LAMA1: variants seen among roughly 807,000 people sequenced by gnomAD.
LAMA1 encodes the protein laminin subunit alpha 1.
A neutral mutation model predicts 348.7 loss-of-function variants in LAMA1; 219 were observed. The ratio of observed to expected loss-of-function variants is 0.63; its 90% confidence interval spans 0.56 to 0.70. The LOEUF (loss-of-function observed/expected upper bound fraction) is 0.70, where lower values mean the gene tolerates loss of function less well. Ranked by LOEUF, LAMA1 falls within the 30% of genes least tolerant of loss-of-function variation. The pLI, the probability that LAMA1 is intolerant of heterozygous loss-of-function variation, is 0.00. For missense variants in LAMA1, 3,744 were observed against 3,888.0 expected, an observed-to-expected ratio of 0.96 and a Z score of 0.99; for synonymous variants, 1,487 against 1,491.0, an observed-to-expected ratio of 1.00 and a Z score of 0.06.
chr18:6,959,297 C>G, intron 54 of LAMA1, 44 bp downstream of exon 54: 1 of 1,613,754 alleles, frequency 6.2e-7, no homozygotes, highest in Non-Finnish European at 8.5e-7. Flanking sequence ...TCCCTCTGAG[C>G]TCACCACACC....
intron 3 of LAMA1, among the ~76,000 whole-genome samples, chr18:7,072,986 A>AC (rs558878139): frequency 9.2e-4 from 140 of 152,012 alleles, no homozygotes; most frequent in African/African-American, 3.2e-3. Context: ...GCTTTCCAGG[A>AC]CCCCCAGAAG....
In LAMA1 at chr18:6,999,993, T is replaced by A; in HGVS notation, c.4387A>T (p.Ser1463Cys). The change falls in exon 31 of 63, where the codon AGT becomes TGT. Residue 1463 changes from serine to cysteine, a missense_variant. Coordinates refer to ENST00000389658, the MANE Select transcript of LAMA1 (RefSeq NM_005559.4). ...TCCCCTTCCAAGACACAAGTGGGAC[T>A]AAAACTGGAGGAAAAGAATTTCTTT... The part of the protein sequence containing the change: ...ACPHSPPASF[S>C]PTCVLEGDHD... 1 of 1,611,612 alleles carries A rather than the reference T, an allele frequency of 6.2e-7. No homozygotes were observed. Among genetic ancestry groups the A allele is most frequent in the Non-Finnish European group, 8.5e-7 (1 of 1,177,722 alleles).
chr18:6,970,577 T>G lies in LAMA1; in HGVS notation c.6899+1280A>C, dbSNP rs556701854. Among the ~76,000 whole-genome samples the G allele has an allele frequency of 9.2e-5, 14 of 151,998 alleles. No individual in the cohort carries two copies. In the South Asian group the frequency reaches 2.9e-3, roughly 32 times the overall value. ...CTGAGAAACTCAAGACTCCAAACCCTATATTCTTTTTCAATCTTAAGGCTA... is the reference window on the plus strand; with the variant it reads ...CTGAGAAACTCAAGACTCCAAACCCGATATTCTTTTTCAATCTTAAGGCTA... On this transcript the variant is annotated intron_variant, in intron 48 of 62. Coordinates refer to ENST00000389658, the MANE Select transcript of LAMA1 (RefSeq NM_005559.4).
intron 1 of LAMA1, among the ~76,000 whole-genome samples, chr18:7,115,219 T>G (rs528218414): frequency 3.3e-5 from 5 of 152,342 alleles, no homozygotes; most frequent in African/African-American, 1.2e-4. Flanking sequence ...TAAATTTGAA[T>G]ACTATGTCAT....
In LAMA1 at chr18:6,977,874, C is replaced by T. The variant is rs749798470; in HGVS notation, c.6198G>A (p.Leu2066=). The T allele has an allele frequency of 6.2e-6, 10 of 1,611,900 alleles. No homozygotes were observed. Among genetic ancestry groups the T allele is most frequent in the Non-Finnish European group, 7.6e-6 (9 of 1,180,014 alleles). ...LLQDSTMATL[L]AGRKVKDVEI... is the part of the protein sequence containing the mutation. ...CCACGTCTTTGACTTTTCTTCCAGC[C>T]AACAGAGCTAACAAATACAAGAAGG... The change falls in exon 44 of 63, where the codon TTG becomes TTA. Residue 2066 remains leucine (L), a synonymous_variant. Coordinates refer to ENST00000389658, the MANE Select transcript of LAMA1 (RefSeq NM_005559.4).
intron 1 of LAMA1, among the ~76,000 whole-genome samples, chr18:7,087,162 G>A (rs1382502299): frequency 6.6e-6 from 1 of 152,194 alleles, no homozygotes; most frequent in African/African-American, 2.4e-5. Context: ...TGACAAAAAT[G>A]TCATAATAAG....
intron 36 of LAMA1, among the ~76,000 whole-genome samples, chr18:6,988,337 T>C (rs925052576): frequency 6.6e-6 from 1 of 152,208 alleles, no homozygotes; most frequent in African/African-American, 2.4e-5. Context: ...CAATGTCCCA[T>C]GAACTGCCAG....
intron 55 of LAMA1, chr18:6,956,981 C>G: frequency 1.8e-6 from 1 of 557,862 alleles, no homozygotes; most frequent in Non-Finnish European, 3.2e-6. Context: ...TGGCACCCAG[C>G]CTAGCATATC....
chr18:7,011,852 G>A (rs1230097914), intron 24 of LAMA1, 143 bp downstream of exon 24: 5 of 996,504 alleles, frequency 5.0e-6, no homozygotes, highest in Admixed American at 2.4e-5. Flanking sequence ...TCTGATTCCT[G>A]TTCTAACCCA....
chr18:7,015,714 G>A lies in LAMA1; in HGVS notation c.3126+8C>T, dbSNP rs1439318971. 1 of 1,613,420 alleles carries A rather than the reference G, an allele frequency of 6.2e-7. No individual in the cohort carries two copies. Among genetic ancestry groups the A allele is most frequent in the South Asian group, 1.1e-5 (1 of 91,048 alleles). On this transcript the variant is annotated splice_region_variant and intron_variant, in intron 22 of 62. Coordinates refer to ENST00000389658, the MANE Select transcript of LAMA1 (RefSeq NM_005559.4). Reference sequence around the variant, plus strand: ...CAGTTAAGCAAGAGCGTGGATGACAGTGCTCACCTGGCACCCCACCTCCGC... The same window carrying A: ...CAGTTAAGCAAGAGCGTGGATGACAATGCTCACCTGGCACCCCACCTCCGC...
intron 52 of LAMA1, 87 bp downstream of exon 52, chr18:6,961,858 T>A: frequency 1.3e-6 from 2 of 1,565,546 alleles, no homozygotes; most frequent in Non-Finnish European, 8.8e-7. Context: ...CTCTTTTCTA[T>A]CCCCACTGGT....
chr18:6,989,655 T>C (rs1409767899), intron 36 of LAMA1, among the ~76,000 whole-genome samples: 2 of 149,056 alleles, frequency 1.3e-5, no homozygotes, highest in Non-Finnish European at 3.0e-5. Context: ...AAAGGGATCC[T>C]AGAGGCCCTC....
intron 12 of LAMA1, among the ~76,000 whole-genome samples, chr18:7,036,917 G>A (rs138722829): frequency 5.3e-4 from 81 of 152,132 alleles, no homozygotes; most frequent in African/African-American, 1.6e-3. Context: ...ATGCATTCTC[G>A]GGAATAAATT....
chr18:7,115,825 A>C lies in LAMA1; in HGVS notation c.61+1835T>G, dbSNP rs931360684. ...CTCCACTAAAAATACAAAAAAAAAA[A>C]AAAAAAAATAGCCGGGCGTGGTGGC... is the stretch of plus-strand genomic sequence containing the variant. On this transcript the variant is annotated intron_variant, in intron 1 of 62. Transcript: ENST00000389658. 2.6e-4 allele frequency among the ~76,000 whole-genome samples: 39 copies of C among 149,668 alleles called. 1 individual carries two copies. The highest frequency in any genetic ancestry group is 3.5e-3 in the Middle Eastern group (1 of 284).
chr18:7,029,145 G>C (rs149240634), intron 16 of LAMA1, among the ~76,000 whole-genome samples: 6 of 152,276 alleles, frequency 3.9e-5, no homozygotes, highest in South Asian at 2.1e-4. Flanking sequence ...TCCTAGACCA[G>C]AGCATCTAAA....
At chr18:7,032,930 G>T in intron 15 of LAMA1, 54 bp downstream of exon 15, 1 of 1,344,758 alleles carries the variant, frequency 7.4e-7, no homozygotes, top group African/African-American at 1.5e-5. Context: ...TCAGTGCACT[G>T]TTTTCCCCTT....
intron 1 of LAMA1, among the ~76,000 whole-genome samples, chr18:7,088,754 TCAAA>T (rs2058227719): frequency 6.6e-6 from 1 of 152,092 alleles, no homozygotes. Context: ...ACTCCTGGCC[TCAAA>T]CAATCCTTCC....
Position 6,977,822 on chromosome 18 carries a change from G to C in LAMA1, c.6250C>G (p.Arg2084Gly). The change falls in exon 44 of 63, where the codon CGG becomes GGG. Residue 2084 changes from arginine to glycine, a missense_variant. Coordinates refer to ENST00000389658, the MANE Select transcript of LAMA1 (RefSeq NM_005559.4). Reference sequence around the variant, plus strand: ...TCTAACATCTTCAAAGGCTTCAACCGATCAAACAAAAGGTTGGCTTGAATT... The same window carrying C: ...TCTAACATCTTCAAAGGCTTCAACCCATCAAACAAAAGGTTGGCTTGAATT... ...VEIQANLLFD[R>G]LKPLKMLEEN... is the part of the protein sequence containing the mutation. 2 of 1,614,054 alleles carry C rather than the reference G, an allele frequency of 1.2e-6. No individual in the cohort carries two copies. The highest frequency in any genetic ancestry group is 1.1e-5 in the South Asian group (1 of 91,070).
At chr18:7,100,399 T>C (rs2058286967) in intron 1 of LAMA1, among the ~76,000 whole-genome samples, 1 of 150,818 alleles carries the variant, frequency 6.6e-6, no homozygotes, top group Non-Finnish European at 1.5e-5. Context: ...ACACTGCTGG[T>C]AGGGCTGTAA....
Sources: gnomAD v4.1 joint callset for allele counts (sites outside exome capture counted in the v4.1 genomes callset) on GRCh38, gnomAD v4.1.1 for gene constraint, MANE v1.5 for transcripts, NCBI Gene and HGNC (gene_info 2026-07-23, HGNC 2026-07-21) for gene names.